The following EHMT1 variants were observed in gnomAD, a reference collection of about 807,000 sequenced individuals.
The protein encoded by EHMT1 is histone-lysine N-methyltransferase EHMT1.
EHMT1 carries 15 observed loss-of-function variants against 147.2 expected under a neutral mutation model. The ratio of observed to expected loss-of-function variants is 0.10; its 90% confidence interval spans 0.07 to 0.16. The LOEUF (loss-of-function observed/expected upper bound fraction) is 0.16, where lower values mean the gene tolerates loss of function less well. EHMT1 is among the 10% of genes least tolerant of loss of function. EHMT1 has a pLI of 1.00. For missense variants in EHMT1, 1,587 were observed against 1,772.4 expected, an observed-to-expected ratio of 0.90 and a Z score of 1.88; for synonymous variants, 795 against 709.6, an observed-to-expected ratio of 1.12 and a Z score of -1.91.
chr9:137,746,911 T>C (rs1166773665), intron 6 of EHMT1: 1 of 152,130 alleles, frequency 6.6e-6, no homozygotes, highest in Non-Finnish European at 1.5e-5. Context: ...AAGTAAAACA[T>C]TAAATGACTG....
chr9:137,801,113 A>G (rs1157812117), intron 18 of EHMT1, 129 bp downstream of exon 18: 1 of 806,468 alleles, frequency 1.2e-6, no homozygotes, highest in Non-Finnish European at 2.1e-6. Context: ...CTGTGGCAGC[A>G]TCGGCCCGGC....
chr9:137,819,572 GCCGA>G (rs1256694216), intron 25 of EHMT1, among the ~76,000 whole-genome samples: 7 of 83,178 alleles, frequency 8.4e-5, no homozygotes, highest in Admixed American at 1.1e-4. Flanking sequence ...CCGTAGAGAG[GCCGA>G]CTGAGGGGCG....
intron 1 of EHMT1, among the ~76,000 whole-genome samples, chr9:137,625,936 A>G (rs1304158499): frequency 6.6e-6 from 1 of 150,512 alleles, no homozygotes; most frequent in East Asian, 2.0e-4. Context: ...GCTCACTGCA[A>G]CCTCTGCCTC....
chr9:137,804,022 A>C (rs768379484), intron 18 of EHMT1, among the ~76,000 whole-genome samples: 1 of 152,196 alleles, frequency 6.6e-6, no homozygotes, highest in Admixed American at 6.5e-5. Flanking sequence ...GAAACTTAAC[A>C]ATCATGGCAG....
chr9:137,690,265 A>G (rs966704705), intron 1 of EHMT1, among the ~76,000 whole-genome samples: 7 of 152,068 alleles, frequency 4.6e-5, no homozygotes, highest in African/African-American at 1.4e-4. Flanking sequence ...ACTCTTGTGT[A>G]TTTGCTTTTC....
intron 1 of EHMT1, among the ~76,000 whole-genome samples, chr9:137,632,110 C>T (rs1035475161): frequency 6.6e-6 from 1 of 152,296 alleles, no homozygotes. Flanking sequence ...CACTCTTTGA[C>T]GTTTGCACAG....
chr9:137,774,593 A>G (rs1336320035), intron 10 of EHMT1, among the ~76,000 whole-genome samples: 6 of 39,176 alleles, frequency 1.5e-4, no homozygotes, highest in Admixed American at 3.4e-4. Flanking sequence ...TCTGGTGGGT[A>G]TGGTCGCGCC....
chr9:137,647,115 CCTT>C (rs1286551440), intron 1 of EHMT1, among the ~76,000 whole-genome samples: 1 of 152,194 alleles, frequency 6.6e-6, no homozygotes, highest in African/African-American at 2.4e-5. Flanking sequence ...CCTGCCGCCT[CCTT>C]CTTCCCAGTC....
chr9:137,801,681 T>G (rs775270646), intron 18 of EHMT1, among the ~76,000 whole-genome samples: 31 of 152,166 alleles, frequency 2.0e-4, no homozygotes, highest in Non-Finnish European at 2.9e-4. Context: ...GTATTTTTAG[T>G]AGAGACGGGG....
At chr9:137,830,048 CT>C (rs1371321025) in intron 25 of EHMT1, among the ~76,000 whole-genome samples, 3 of 151,150 alleles carry the variant, frequency 2.0e-5, no homozygotes, top group Non-Finnish European at 4.4e-5. Context: ...AAATTTTGGT[CT>C]TTTTTTTCTT....
intron 16 of EHMT1, chr9:137,795,034 G>T (rs1284677253): frequency 6.6e-6 from 1 of 152,160 alleles, no homozygotes; most frequent in Admixed American, 6.5e-5. Flanking sequence ...GTGGAGTTTA[G>T]ACACGTTTGG....
chr9:137,666,466 A>C (rs1329057474), intron 1 of EHMT1, among the ~76,000 whole-genome samples: 1 of 152,164 alleles, frequency 6.6e-6, no homozygotes, highest in Non-Finnish European at 1.5e-5. Flanking sequence ...TCAGTGGTGG[A>C]GGGAGTGAGG....
At chr9:137,663,363 T>G (rs1939289057) in intron 1 of EHMT1, among the ~76,000 whole-genome samples, 1 of 151,988 alleles carries the variant, frequency 6.6e-6, no homozygotes, top group Admixed American at 6.6e-5. Context: ...GATCCTGGTT[T>G]TTGTTGTGAG....
At chr9:137,620,525 CCCA>C (rs1842891004) in intron 1 of EHMT1, among the ~76,000 whole-genome samples, 1 of 152,168 alleles carries the variant, frequency 6.6e-6, no homozygotes, top group African/African-American at 2.4e-5. Context: ...AAAGGAGTCT[CCCA>C]CCTCGGGTGC....
intron 10 of EHMT1, among the ~76,000 whole-genome samples, chr9:137,772,208 C>T (rs1950631020): frequency 6.6e-6 from 1 of 151,988 alleles, no homozygotes; most frequent in South Asian, 2.1e-4. Flanking sequence ...CTAAATATAC[C>T]AGCACACCTC....
At chr9:137,711,878 A>G (rs1179509089) in intron 2 of EHMT1, among the ~76,000 whole-genome samples, 1 of 152,138 alleles carries the variant, frequency 6.6e-6, no homozygotes, top group Non-Finnish European at 1.5e-5. Context: ...TCCCAGCTGG[A>G]GCCTGCTCCT....
intron 9 of EHMT1, among the ~76,000 whole-genome samples, chr9:137,760,747 G>C (rs528991247): frequency 2.2e-4 from 33 of 152,300 alleles, no homozygotes; most frequent in Admixed American, 7.2e-4. Context: ...GGGCGGCTCA[G>C]GCCTGTAATC....
intron 1 of EHMT1, among the ~76,000 whole-genome samples, chr9:137,681,951 G>T (rs3860888): frequency 0.26 from 39,429 of 151,198 alleles, 6,119 homozygotes; most frequent in African/African-American, 0.43. Flanking sequence ...GTGTTTTTTT[G>T]TTTGTTTGTT....
At chr9:137,815,202 G>C (rs1158130334) in intron 22 of EHMT1, 3 of 165,736 alleles carry the variant, frequency 1.8e-5, no homozygotes, top group African/African-American at 4.8e-5. Context: ...GACATGGAGG[G>C]TCAAGTGTTT....
Sources: gnomAD v4.1 joint callset for allele counts (sites outside exome capture counted in the v4.1 genomes callset) on GRCh38, gnomAD v4.1.1 for gene constraint, MANE v1.5 for transcripts, NCBI Gene and HGNC (gene_info 2026-07-23, HGNC 2026-07-21) for gene names.